The following SCN9A variants were observed in gnomAD, a reference collection of about 807,000 sequenced individuals.
SCN9A encodes sodium channel protein type 9 subunit alpha.
A neutral mutation model predicts 187.0 loss-of-function variants in SCN9A; 131 were observed. That is an observed-to-expected ratio of 0.70 (90% confidence interval 0.61 to 0.81). The LOEUF (loss-of-function observed/expected upper bound fraction) is 0.81. Among genes scored for constraint, SCN9A ranks in the 30% least tolerant of loss-of-function variants. The pLI is 0.00. For missense variants in SCN9A, 2,252 were observed against 2,396.6 expected (o/e 0.94, Z 1.26); for synonymous variants, 809 against 808.6 (o/e 1.00, Z -0.01).
At chr2:166,234,993 C>T (rs79373856) in intron 20 of SCN9A, among the ~76,000 whole-genome samples, 10,807 of 152,110 alleles carry the variant, frequency 0.071, 411 homozygotes, top group Non-Finnish European at 0.089. Context: ...GAACACCCCT[C>T]GCCATGTGAT....
At chr2:166,329,640 A>G (rs1034465681) in intron 1 of SCN9A, among the ~76,000 whole-genome samples, 6 of 152,098 alleles carry the variant, frequency 3.9e-5, no homozygotes, top group Non-Finnish European at 7.4e-5. Context: ...CTGGGACACA[A>G]TACTAACTAG....
In SCN9A at chr2:166,195,674, C is replaced by T. The variant is rs965267449; in HGVS notation, c.*2998G>A. On this transcript the variant is annotated 3_prime_UTR_variant, in exon 27 of 27. Transcript: ENST00000642356. ...ACAATCAGCATTTAAAAACAGCTCA[C>T]AAGTCACCCAAATCTTTTGCAAACT... 2 of 152,178 alleles carry T rather than the reference C, an allele frequency of 1.3e-5. No homozygotes were observed. The highest frequency in any genetic ancestry group is 4.8e-5 in the African/African-American group (2 of 41,446). 9.4% of individuals were successfully genotyped at this position (152,178 alleles called of 1,614,324 possible). A position where few individuals can be genotyped will look rare whatever the true frequency, so the allele number is the denominator to read the frequency against.
chr2:166,346,588 G>A (rs1188497685), intron 1 of SCN9A, among the ~76,000 whole-genome samples: 1 of 152,094 alleles, frequency 6.6e-6, no homozygotes, highest in East Asian at 1.9e-4. Flanking sequence ...TGTATCTCCT[G>A]TTTGTGAAAG....
At chr2:166,265,572 T>C (rs543457139) in intron 17 of SCN9A, among the ~76,000 whole-genome samples, 4 of 152,128 alleles carry the variant, frequency 2.6e-5, no homozygotes, top group Admixed American at 2.6e-4. Flanking sequence ...TTCATCTGGA[T>C]ATTTACTTAG....
chr2:166,215,720 T>C (rs1383525750), intron 24 of SCN9A, among the ~76,000 whole-genome samples: 1 of 145,108 alleles, frequency 6.9e-6, no homozygotes, highest in Non-Finnish European at 1.5e-5. Flanking sequence ...AAATATTACA[T>C]CTGAACAAAC....
chr2:166,203,344 A>T (rs1459372766), intron 26 of SCN9A, among the ~76,000 whole-genome samples: 2 of 151,918 alleles, frequency 1.3e-5, no homozygotes, highest in African/African-American at 4.8e-5. Context: ...CAACAACAAC[A>T]AAAACAAGAA....
At chr2:166,360,699 T>A (rs746198188) in intron 1 of SCN9A, among the ~76,000 whole-genome samples, 3 of 152,282 alleles carry the variant, frequency 2.0e-5, no homozygotes, top group South Asian at 2.1e-4. Flanking sequence ...GAGAAATATA[T>A]CTGTCTTATA....
At chr2:166,259,291 T>G (rs893737520) in intron 17 of SCN9A, 6 of 151,714 alleles carry the variant, frequency 4.0e-5, no homozygotes, top group Non-Finnish European at 3.0e-5. Flanking sequence ...ATTACCCCTG[T>G]GAGAAGAAGG....
intron 1 of SCN9A, among the ~76,000 whole-genome samples, chr2:166,320,657 A>G (rs1157926392): frequency 6.6e-6 from 1 of 152,148 alleles, no homozygotes; most frequent in Admixed American, 6.5e-5. Context: ...ATCTGACACC[A>G]ATTCTTCCAT....
rs905576116 is a variant in SCN9A, at chr2:166,197,330, G to C, written c.*1342C>G. 1 of 152,096 alleles carries C rather than the reference G, an allele frequency of 6.6e-6. No homozygotes were observed. The highest frequency in any genetic ancestry group is 1.5e-5 in the Non-Finnish European group (1 of 67,988). 9.4% of individuals were successfully genotyped at this position (152,096 alleles called of 1,614,324 possible). ...TACAGCTAATGCAAAATGAATATGT[G>C]CTTGATAAATTAGAAGCCCATGGTA... is the stretch of plus-strand genomic sequence containing the variant. On this transcript the variant is annotated 3_prime_UTR_variant, in exon 27 of 27. Coordinates refer to ENST00000642356, the MANE Select transcript of SCN9A (RefSeq NM_001365536.1).
Position 166,373,312 on chromosome 2 carries a change from C to CTT in SCN9A, c.-51+2383_-51+2384dup, listed in dbSNP as rs75006765. Among the ~76,000 whole-genome samples the CTT allele has an allele frequency of 6.2e-3, 734 of 117,726 alleles. 10 individuals are homozygous for CTT. Among genetic ancestry groups the CTT allele is most frequent in the African/African-American group, 0.018 (672 of 36,330 alleles). The allele number at this position is 117,726 out of a possible 152,430, so 77.2% of individuals were successfully genotyped here. ...TTCTTCTTCTCCTCTTCTTCTTCCT[C>CTT]TTTTTTTTTTTTTTTAAATGCAGTT... On this transcript the variant is annotated intron_variant, in intron 1 of 26. Transcript: ENST00000642356.
intron 17 of SCN9A, among the ~76,000 whole-genome samples, chr2:166,263,769 T>A (rs925915447): frequency 2.6e-5 from 4 of 151,924 alleles, no homozygotes; most frequent in African/African-American, 9.7e-5. Context: ...GGGGTCCTTA[T>A]AAGAAGAAAA....
chr2:166,297,293 C>T (rs1336077113), intron 7 of SCN9A, among the ~76,000 whole-genome samples: 1 of 147,778 alleles, frequency 6.8e-6, no homozygotes, highest in East Asian at 2.0e-4. Context: ...AATGTATTTC[C>T]ACAAAAACTT....
rs199705100 is a variant in SCN9A, at chr2:166,199,096, C to G, written c.5543G>C (p.Arg1848Pro). The change falls in exon 27 of 27, where the codon CGT becomes CCT. Residue 1848 changes from arginine to proline, a missense_variant. Arg to Pro is a moderately radical substitution (Grantham distance 103, BLOSUM62 -2). Transcript: ENST00000642356. Reference sequence around the variant, plus strand: ...CATCTCCCCACTCTCACCCAAAACACGCTTTGTAAAAGCAAATAAGATGTC... The same window carrying G: ...CATCTCCCCACTCTCACCCAAAACAGGCTTTGTAAAAGCAAATAAGATGTC... Reference protein sequence around the residue: ...CLDILFAFTKRVLGESGEMDS... With the variant: ...CLDILFAFTKPVLGESGEMDS... 15 of 1,614,138 alleles carry G rather than the reference C, an allele frequency of 9.3e-6. No individual in the cohort carries two copies. Among genetic ancestry groups the G allele is most frequent in the Non-Finnish European group, 1.3e-5 (15 of 1,180,040 alleles).
intron 18 of SCN9A, among the ~76,000 whole-genome samples, chr2:166,249,119 CG>C (rs1388816007): frequency 2.6e-5 from 4 of 152,062 alleles, no homozygotes; most frequent in African/African-American, 9.7e-5. Flanking sequence ...TATATTTGCA[CG>C]GCCCCCTTCA....
In SCN9A at chr2:166,303,217, C is replaced by T. The variant is rs753648561; in HGVS notation, c.774G>A (p.Val258=). ...VMILTVFCLS[V]FALIGLQLFM... is the part of the protein sequence containing the mutation. Reference sequence around the variant, plus strand: ...ACAGCTGTAGTCCAATTAGTGCAAACACACTCAGACAGAACACAGTCAGGA... The same window carrying T: ...ACAGCTGTAGTCCAATTAGTGCAAATACACTCAGACAGAACACAGTCAGGA... The change falls in exon 7 of 27, where the codon GTG becomes GTA. Residue 258 remains valine, a synonymous_variant. Coordinates refer to ENST00000642356, the MANE Select transcript of SCN9A (RefSeq NM_001365536.1). 1.7e-5 allele frequency: 27 copies of T among 1,613,566 alleles called. No individual in the cohort carries two copies. The African/African-American group carries it at 3.3e-4, about 20-fold the overall frequency.
At chr2:166,248,704 T>C (rs1695901976) in intron 18 of SCN9A, among the ~76,000 whole-genome samples, 2 of 152,160 alleles carry the variant, frequency 1.3e-5, no homozygotes, top group South Asian at 4.1e-4. Flanking sequence ...TCTTCCTCTG[T>C]CGTCCAGGCT....
intron 1 of SCN9A, among the ~76,000 whole-genome samples, chr2:166,325,859 G>A (rs757091887): frequency 5.9e-5 from 9 of 152,178 alleles, no homozygotes; most frequent in South Asian, 4.2e-4. Context: ...ACAAGGATAC[G>A]CTTAACCCTG....
At chr2:166,338,252 C>G (rs1341690885) in intron 1 of SCN9A, among the ~76,000 whole-genome samples, 1 of 152,148 alleles carries the variant, frequency 6.6e-6, no homozygotes, top group African/African-American at 2.4e-5. Flanking sequence ...AACTGCAACT[C>G]TGTATGAAAG....
Sources: allele counts gnomAD v4.1 joint callset (sites outside exome capture counted in the v4.1 genomes callset), GRCh38; gene constraint gnomAD v4.1.1; transcripts MANE v1.5; gene names NCBI Gene and HGNC (gene_info 2026-07-23, HGNC 2026-07-21).